PPP1R36: variants seen among roughly 807,000 people sequenced by gnomAD.
The protein encoded by PPP1R36 is chromosome 14 open reading frame 50.
PPP1R36 carries 47 observed loss-of-function variants against 53.4 expected under a neutral mutation model. That is an observed-to-expected ratio of 0.88 (90% CI 0.70 to 1.12). The LOEUF (loss-of-function observed/expected upper bound fraction) is 1.12. PPP1R36 is among the 50% of genes most tolerant of loss of function. The pLI is 0.00. For missense variants in PPP1R36, 456 were observed against 513.9 expected (o/e 0.89, Z 1.09); for synonymous variants, 153 against 170.5 (o/e 0.90, Z 0.80).
intron 3 of PPP1R36, among the ~76,000 whole-genome samples, chr14:64,563,265 G>A (rs1389133435): frequency 6.6e-6 from 1 of 152,036 alleles, no homozygotes; most frequent in Non-Finnish European, 1.5e-5. Context: ...TCCACTTTCT[G>A]GGCTCAGGCA....
intron 3 of PPP1R36, among the ~76,000 whole-genome samples, chr14:64,557,266 C>A (rs1480878872): frequency 6.6e-6 from 1 of 152,116 alleles, no homozygotes. Flanking sequence ...CTCTGTCTAC[C>A]CTGCTCCTCA....
chr14:64,562,857 A>T (rs1566650912), intron 3 of PPP1R36, among the ~76,000 whole-genome samples: 1 of 151,242 alleles, frequency 6.6e-6, no homozygotes, highest in Non-Finnish European at 1.5e-5. Flanking sequence ...TTTATTTTTT[A>T]TTTTATTTTA....
Position 64,578,218 on chromosome 14 carries a change from T to G in PPP1R36, c.668+3629T>G, listed in dbSNP as rs573587012. ...ATCCACCTGCCTCGGCCTCCCAAAG[T>G]GCTGGAATTATAGGTATGTGCCACC... On this transcript the variant is annotated intron_variant, in intron 8 of 11. Transcript: ENST00000298705. 3.3e-5 allele frequency among the ~76,000 whole-genome samples: 5 copies of G among 152,318 alleles called. No homozygotes were observed. The South Asian group carries it at 6.2e-4, about 19-fold the overall frequency.
intron 8 of PPP1R36, among the ~76,000 whole-genome samples, chr14:64,578,846 T>A (rs1197326520): frequency 6.6e-6 from 1 of 152,170 alleles, no homozygotes; most frequent in African/African-American, 2.4e-5. Context: ...AGCAAAGACA[T>A]GGAATCAACC....
chr14:64,568,489 C>A, intron 7 of PPP1R36, 42 bp downstream of exon 7: 3 of 891,126 alleles, frequency 3.4e-6, no homozygotes, highest in South Asian at 1.8e-5. Context: ...TTTATCACTG[C>A]CAGTATTAAA....
At chr14:64,569,601 T>C (rs1011593248) in intron 7 of PPP1R36, among the ~76,000 whole-genome samples, 4 of 152,210 alleles carry the variant, frequency 2.6e-5, no homozygotes, top group Admixed American at 6.5e-5. Flanking sequence ...ACTTAGAAGG[T>C]TTGAAGATTC....
Position 64,587,213 on chromosome 14 carries a change from C to A in PPP1R36, c.731C>A (p.Thr244Lys). Residue 244 changes from threonine (T) to lysine (K), a missense_variant, in exon 10 of 12, where the codon ACA (threonine) becomes AAA (lysine). Coordinates refer to ENST00000298705, the MANE Select transcript of PPP1R36 (RefSeq NM_172365.3). ...KFFESFYTFCTYVAWIVFRRQ... is the reference protein window; with the variant it reads ...KFFESFYTFCKYVAWIVFRRQ... The stretch of plus-strand genomic sequence containing the variant: ...TTGTAGTCCTTTTATACTTTCTGTA[C>A]ATATGTGGCTTGGATTGTCTTCCGA... 1 of 1,609,926 alleles carries A rather than the reference C, an allele frequency of 6.2e-7. No homozygotes were observed. Among genetic ancestry groups the A allele is most frequent in the Non-Finnish European group, 8.5e-7 (1 of 1,178,290 alleles).
rs372740913 is a variant in PPP1R36, at chr14:64,588,162, A to C, written c.949A>C (p.Met317Leu). The C allele has an allele frequency of 1.6e-5, 26 of 1,613,596 alleles. No homozygotes were observed. The highest frequency in any genetic ancestry group is 2.2e-5 in the Non-Finnish European group (26 of 1,179,740). Residue 317 changes from methionine (M) to leucine (L), a missense_variant, in exon 11 of 12, where the codon ATG (methionine) becomes CTG (leucine). Met to Leu is a conservative substitution (Grantham distance 15, BLOSUM62 2). Transcript: ENST00000298705. ...KKAINMRSPV[M>L]STLLPSLREK... ...AGCTATCAACATGCGTTCTCCAGTC[A>C]TGTCTACTCTGCTGCCATCTCTCAG...
intron 11 of PPP1R36, 126 bp from the exon 12 acceptor site, chr14:64,589,026 G>T: frequency 1.6e-6 from 1 of 628,228 alleles, no homozygotes; most frequent in Non-Finnish European, 2.7e-6. Context: ...AAGAGAGAAA[G>T]AGTATATCTT....
chr14:64,562,575 C>T (rs2080213597), intron 3 of PPP1R36, among the ~76,000 whole-genome samples: 1 of 152,100 alleles, frequency 6.6e-6, no homozygotes, highest in South Asian at 2.1e-4. Flanking sequence ...ACCTGTCTTA[C>T]CAGCCAAGCT....
chr14:64,589,051 T>TACAC, intron 11 of PPP1R36, 101 bp from the exon 12 acceptor site: 1 of 805,870 alleles, frequency 1.2e-6, no homozygotes, highest in Non-Finnish European at 2.0e-6. Context: ...TTAGTGTACA[T>TACAC]ACACACACAC....
At chr14:64,585,313 C>A (rs1262111964) in intron 8 of PPP1R36, among the ~76,000 whole-genome samples, 1 of 152,000 alleles carries the variant, frequency 6.6e-6, no homozygotes, top group Non-Finnish European at 1.5e-5. Flanking sequence ...CTCAGGAGTT[C>A]GAGACCAGCC....
At chr14:64,558,807 T>C (rs1299948172) in intron 3 of PPP1R36, among the ~76,000 whole-genome samples, 2 of 151,952 alleles carry the variant, frequency 1.3e-5, no homozygotes, top group Non-Finnish European at 2.9e-5. Flanking sequence ...GGCTAATTTT[T>C]GTATTTTTAG....
At chr14:64,576,807 A>G (rs2080345411) in intron 8 of PPP1R36, among the ~76,000 whole-genome samples, 1 of 152,178 alleles carries the variant, frequency 6.6e-6, no homozygotes, top group African/African-American at 2.4e-5. Flanking sequence ...TCCGTTCTGC[A>G]GCTTTCAAGT....
intron 8 of PPP1R36, among the ~76,000 whole-genome samples, chr14:64,583,900 C>A (rs1319380589): frequency 8.3e-6 from 1 of 120,080 alleles, no homozygotes; most frequent in East Asian, 2.5e-4. Context: ...GTTACCTCCT[C>A]TTTTTTTTTT....
chr14:64,564,125 T>C (rs2080230274), intron 3 of PPP1R36, among the ~76,000 whole-genome samples: 1 of 152,296 alleles, frequency 6.6e-6, no homozygotes, highest in South Asian at 2.1e-4. Context: ...GCTAAGAAAC[T>C]CTGAGTTAAG....
chr14:64,582,506 G>T (rs2080396666), intron 8 of PPP1R36, among the ~76,000 whole-genome samples: 1 of 152,206 alleles, frequency 6.6e-6, no homozygotes, highest in Admixed American at 6.5e-5. Flanking sequence ...GGAATGCATG[G>T]TGTCTGTGCT....
At chr14:64,558,163 AT>A (rs2080172903) in intron 3 of PPP1R36, among the ~76,000 whole-genome samples, 1 of 152,198 alleles carries the variant, frequency 6.6e-6, no homozygotes, top group Non-Finnish European at 1.5e-5. Flanking sequence ...AGGCCTGTGG[AT>A]TTAACAAATT....
At chr14:64,550,639 C>A (rs1413605727) in intron 1 of PPP1R36, among the ~76,000 whole-genome samples, 2 of 152,188 alleles carry the variant, frequency 1.3e-5, no homozygotes, top group Non-Finnish European at 2.9e-5. Flanking sequence ...TTCCTACTTT[C>A]CTCCCTTCCT....
Sources: gnomAD v4.1 joint callset for allele counts (sites outside exome capture counted in the v4.1 genomes callset) on GRCh38, gnomAD v4.1.1 for gene constraint, MANE v1.5 for transcripts, NCBI Gene and HGNC (gene_info 2026-07-23, HGNC 2026-07-21) for gene names.